SLC35D4: variants seen among roughly 807,000 people sequenced by gnomAD.
SLC35D4 encodes the protein UDP-N-acetylglucosamine transporter SLC35D4.
chr18:23,307,093 G>A, the SLC35D4 span, among the ~76,000 whole-genome samples: 20 of 152,322 alleles, frequency 1.3e-4, no homozygotes, highest in East Asian at 2.3e-3. Context: ...ACCTCCGTTG[G>A]GTTACACATG....
the SLC35D4 span, chr18:23,298,145 A>G: frequency 1.3e-6 from 2 of 1,539,936 alleles, no homozygotes; most frequent in Non-Finnish European, 1.8e-6. Context: ...ACGCAGGGCA[A>G]GGGGTGCTTC....
chr18:23,360,862 G>A, the SLC35D4 span, among the ~76,000 whole-genome samples: 9 of 152,116 alleles, frequency 5.9e-5, no homozygotes, highest in Non-Finnish European at 4.4e-5. Flanking sequence ...AGCACTTTGG[G>A]AGGCCAAGGC....
chr18:23,279,888 A>G, the SLC35D4 span, among the ~76,000 whole-genome samples: 1 of 152,298 alleles, frequency 6.6e-6, no homozygotes, highest in South Asian at 2.1e-4. Flanking sequence ...TTAAATAGAG[A>G]CAGGATCTTA....
the SLC35D4 span, among the ~76,000 whole-genome samples, chr18:23,330,824 C>A: frequency 6.6e-6 from 1 of 152,130 alleles, no homozygotes; most frequent in Non-Finnish European, 1.5e-5. Flanking sequence ...GCAACAGCAG[C>A]AAAGCACGGG....
the SLC35D4 span, among the ~76,000 whole-genome samples, chr18:23,269,882 A>C: frequency 6.6e-6 from 1 of 152,224 alleles, no homozygotes; most frequent in Admixed American, 6.5e-5. Context: ...CTAAGTGGCA[A>C]AGCATTCAAG....
the SLC35D4 span, among the ~76,000 whole-genome samples, chr18:23,355,150 T>C: frequency 6.6e-6 from 1 of 152,144 alleles, no homozygotes; most frequent in Non-Finnish European, 1.5e-5. Context: ...TACAGAAGCA[T>C]GGGTAAAATG....
At chr18:23,347,684 C>A in the SLC35D4 span, among the ~76,000 whole-genome samples, 1 of 152,180 alleles carries the variant, frequency 6.6e-6, no homozygotes, top group Admixed American at 6.5e-5. Context: ...CTTGGCCTCC[C>A]AAAGTGCTTG....
At chr18:23,418,445 C>G in the SLC35D4 span, among the ~76,000 whole-genome samples, 1 of 150,908 alleles carries the variant, frequency 6.6e-6, no homozygotes, top group Non-Finnish European at 1.5e-5. Context: ...GATCTCGGCT[C>G]ACTGCAACCT....
At chr18:23,423,197 C>T in the SLC35D4 span, among the ~76,000 whole-genome samples, 1 of 152,196 alleles carries the variant, frequency 6.6e-6, no homozygotes, top group Non-Finnish European at 1.5e-5. Flanking sequence ...TCTGGTTGTG[C>T]CATCCTCTTG....
chr18:23,250,600 C>T, the SLC35D4 span, among the ~76,000 whole-genome samples: 1 of 152,218 alleles, frequency 6.6e-6, no homozygotes, highest in Non-Finnish European at 1.5e-5. Context: ...CAGGGGTCCA[C>T]TCTGCTGGAC....
the SLC35D4 span, among the ~76,000 whole-genome samples, chr18:23,307,312 T>C: frequency 3.3e-5 from 5 of 152,376 alleles, 1 homozygote; most frequent in South Asian, 6.2e-4. Flanking sequence ...TGCCTATTCA[T>C]CAGCAATGAG....
chr18:23,291,421 A>G, the SLC35D4 span, among the ~76,000 whole-genome samples: 4 of 152,234 alleles, frequency 2.6e-5, no homozygotes, highest in Non-Finnish European at 5.9e-5. Flanking sequence ...TGATTTTACC[A>G]TATCTCATGC....
chr18:23,272,284 C>A, the SLC35D4 span, among the ~76,000 whole-genome samples: 6 of 152,038 alleles, frequency 3.9e-5, no homozygotes, highest in African/African-American at 1.4e-4. Context: ...AGACCCCTTG[C>A]ATGGAAGCCA....
At chr18:23,279,098 TCA>T in the SLC35D4 span, among the ~76,000 whole-genome samples, 2 of 152,244 alleles carry the variant, frequency 1.3e-5, no homozygotes, top group South Asian at 4.2e-4. Context: ...GCCTTTGTCT[TCA>T]CAGAGATTCA....
the SLC35D4 span, chr18:23,385,164 AC>A: frequency 6.8e-6 from 8 of 1,172,944 alleles, no homozygotes; most frequent in South Asian, 9.7e-5. Context: ...AGCTGTGGAA[AC>A]TTTTGGCATC....
chr18:23,419,981 C>T, the SLC35D4 span, among the ~76,000 whole-genome samples: 1 of 151,946 alleles, frequency 6.6e-6, no homozygotes, highest in Admixed American at 6.6e-5. Context: ...TACAGTACAT[C>T]AAGACAAAAT....
At chr18:23,298,489 C>T in the SLC35D4 span, among the ~76,000 whole-genome samples, 2 of 152,156 alleles carry the variant, frequency 1.3e-5, no homozygotes, top group Non-Finnish European at 1.5e-5. Flanking sequence ...AGGTGACAAT[C>T]TCAGTTTTCA....
At chr18:23,289,004 C>G in the SLC35D4 span, among the ~76,000 whole-genome samples, 3 of 152,210 alleles carry the variant, frequency 2.0e-5, no homozygotes, top group African/African-American at 7.2e-5. Context: ...CATTTAAGCT[C>G]CTGTACGGAC....
chr18:23,344,953 A>G, the SLC35D4 span, among the ~76,000 whole-genome samples: 5 of 151,888 alleles, frequency 3.3e-5, no homozygotes, highest in East Asian at 9.7e-4. Context: ...TTTTAAGTAA[A>G]CTACATTTTA....
Sources: allele counts gnomAD v4.1 joint callset (sites outside exome capture counted in the v4.1 genomes callset), GRCh38; gene constraint gnomAD v4.1.1; transcripts MANE v1.5; gene names NCBI Gene and HGNC (gene_info 2026-07-23, HGNC 2026-07-21).